Variants in IKBIP observed in about 807,000 individuals in gnomAD.
The protein encoded by IKBIP is inhibitor of nuclear factor kappa-B kinase-interacting protein.
In IKBIP, 28 loss-of-function variants were observed where a neutral mutation model predicts 31.0. That is an observed-to-expected ratio of 0.90 (90% CI 0.67 to 1.24). IKBIP has a LOEUF of 1.24. Ranked by LOEUF, IKBIP falls within the 50% of genes most tolerant of loss-of-function variation. IKBIP has a pLI of 0.00. For synonymous variants in IKBIP, 164 were observed against 160.3 expected (o/e 1.02, Z -0.17); for missense variants, 453 against 441.9 (o/e 1.03, Z -0.23).
chr12:98,630,376 C>CAAAAAAAAAAAAAAA lies in IKBIP; in HGVS notation c.298-3625_298-3611dup, dbSNP rs61623957. 2.9e-4 allele frequency among the ~76,000 whole-genome samples: 12 copies of CAAAAAAAAAAAAAAA among 41,300 alleles called. 1 individual carries two copies. Among genetic ancestry groups the CAAAAAAAAAAAAAAA allele is most frequent in the East Asian group, 1.2e-3 (1 of 850 alleles). 27.1% of individuals were successfully genotyped at this position (41,300 alleles called of 152,430 possible). A position where few individuals can be genotyped will look rare whatever the true frequency, so the allele number is the denominator to read the frequency against. On this transcript the variant is annotated intron_variant, in intron 2 of 2. Transcript: ENST00000299157. The stretch of plus-strand genomic sequence containing the variant: ...CCAGCCTGGGCAACAAGAGCCTGGG[C>CAAAAAAAAAAAAAAA]AAAAAAAAAAAAAAAAAAAAAAAAA...
intron 2 of IKBIP, among the ~76,000 whole-genome samples, chr12:98,633,510 C>CTTTTTTTTTTTTTTTTTTTTTTTTTT (rs71432181): frequency 1.1e-4 from 7 of 61,374 alleles, no homozygotes; most frequent in Admixed American, 2.6e-4. Context: ...TTTTTTAATT[C>CTTTTTTTTTTTTTTTTTTTTTTTTTT]TTTTTTTTTT....
downstream of IKBIP, among the ~76,000 whole-genome samples, chr12:98,620,381 TTTTGAGACGGAGTC>T (rs2097609180): frequency 1.3e-5 from 2 of 151,862 alleles, no homozygotes; most frequent in African/African-American, 4.8e-5. Context: ...GATTTTTTTT[TTTTGAGACGGAGTC>T]TTGCTCTGTC....
rs755351198 is a variant in IKBIP, at chr12:98,626,420, G to C, written c.644C>G (p.Thr215Arg). ...ATCTTCTTCTTCTTGTCTTTTTACT[G>C]TTCTAATATTTCTTAGTGTGCTATC... ...LEDSTLRNIR[T>R]VKRQEEEDLL... The change falls in exon 3 of 3, where the codon ACA becomes AGA. Residue 215 changes from threonine to arginine, a missense_variant. By Grantham distance (71) the Thr-to-Arg change is moderately conservative. Transcript: ENST00000299157. 8 of 1,613,100 alleles carry C rather than the reference G, an allele frequency of 5.0e-6. No individual in the cohort carries two copies. The highest frequency in any genetic ancestry group is 1.6e-4 in the Middle Eastern group (1 of 6,084).
downstream of IKBIP, among the ~76,000 whole-genome samples, chr12:98,619,499 C>A (rs34201862): frequency 0.036 from 5,428 of 152,218 alleles, 188 homozygotes; most frequent in East Asian, 0.21. Flanking sequence ...AAGCTCAATA[C>A]AGTGTGGTAA....
downstream of IKBIP, among the ~76,000 whole-genome samples, chr12:98,622,017 A>G (rs538899460): frequency 1.3e-5 from 2 of 151,612 alleles, no homozygotes; most frequent in South Asian, 4.2e-4. Flanking sequence ...TGGAGGTTGC[A>G]GTGAGCTGAG....
In IKBIP at chr12:98,625,016, A is replaced by AG. The variant is rs1279391412; in HGVS notation, c.*913dup. The AG allele has an allele frequency of 3.5e-5, 17 of 481,332 alleles. No homozygotes were observed. The highest frequency in any genetic ancestry group is 1.9e-4 in the Admixed American group (3 of 15,632). The allele number at this position is 481,332 out of a possible 1,614,324, so 29.8% of individuals were successfully genotyped here. A position where few individuals can be genotyped will look rare whatever the true frequency, so the allele number is the denominator to read the frequency against. On this transcript the variant is annotated 3_prime_UTR_variant, in exon 3 of 3. Transcript: ENST00000299157. ...GAGACAGGGTTTCACCCTGTTAGCCAGATGGTCTTGATCTCCTGACTTCGT... is the reference window on the plus strand; with the variant it reads ...GAGACAGGGTTTCACCCTGTTAGCCAGGATGGTCTTGATCTCCTGACTTCGT...
intron 2 of IKBIP, among the ~76,000 whole-genome samples, chr12:98,627,276 T>C (rs1456704201): frequency 1.5e-4 from 20 of 130,464 alleles, no homozygotes; most frequent in Admixed American, 1.4e-3. Flanking sequence ...GCCAGCACTA[T>C]GTTAAAAAAA....
chr12:98,631,350 G>A (rs906308695), intron 2 of IKBIP, among the ~76,000 whole-genome samples: 3 of 151,276 alleles, frequency 2.0e-5, no homozygotes, highest in African/African-American at 4.9e-5. Context: ...GTGCAATCTC[G>A]GCTCACTGTG....
intron 2 of IKBIP, among the ~76,000 whole-genome samples, chr12:98,616,344 T>A (rs550626192): frequency 6.6e-6 from 1 of 152,302 alleles, no homozygotes; most frequent in South Asian, 2.1e-4. Flanking sequence ...ATTGGGTTTT[T>A]TTTTGCTATT....
intron 2 of IKBIP, chr12:98,614,373 T>C: frequency 1.7e-6 from 2 of 1,186,220 alleles, no homozygotes; most frequent in Non-Finnish European, 2.3e-6. Context: ...AATGATTAAA[T>C]GTATTAGAAG....
intron 2 of IKBIP, among the ~76,000 whole-genome samples, chr12:98,633,070 ATTATATGCTC>A (rs2097622456): frequency 6.6e-6 from 1 of 152,060 alleles, no homozygotes; most frequent in African/African-American, 2.4e-5. Flanking sequence ...CTTCTGGAGG[ATTATATGCTC>A]ATCCTGTGCA....
chr12:98,634,666 C>T (rs1388716323), intron 1 of IKBIP, among the ~76,000 whole-genome samples: 1 of 151,050 alleles, frequency 6.6e-6, no homozygotes, highest in African/African-American at 2.4e-5. Flanking sequence ...TCCCAAATAG[C>T]TAGGACTGTC....
chr12:98,640,318 C>T (rs2097629296), intron 1 of IKBIP, among the ~76,000 whole-genome samples: 1 of 152,024 alleles, frequency 6.6e-6, no homozygotes, highest in African/African-American at 2.4e-5. Flanking sequence ...CCTGTAATCC[C>T]AGCTACTCGG....
In IKBIP at chr12:98,641,800, G is replaced by A. The variant is rs944729652; in HGVS notation, c.179+2723C>T. On this transcript the variant is annotated intron_variant, in intron 1 of 2. Transcript: ENST00000299157. ...CCTCCCAAGTACCTGGGACTACAGC[G>A]AATGCCACCACACTTGGCTAATATT... 1.2e-4 allele frequency among the ~76,000 whole-genome samples: 18 copies of A among 144,546 alleles called. No homozygotes were observed. In the East Asian group the frequency reaches 1.8e-3, roughly 15 times the overall value. 94.8% of individuals were successfully genotyped at this position (144,546 alleles called of 152,430 possible). A position where few individuals can be genotyped will look rare whatever the true frequency, so the allele number is the denominator to read the frequency against.
intron 2 of IKBIP, among the ~76,000 whole-genome samples, chr12:98,615,948 G>A (rs1200640980): frequency 6.6e-6 from 1 of 151,848 alleles, no homozygotes; most frequent in Non-Finnish European, 1.5e-5. Flanking sequence ...GAGTAATGCT[G>A]CAATGAATAT....
intron 1 of IKBIP, among the ~76,000 whole-genome samples, chr12:98,643,931 T>C (rs1037619549): frequency 6.6e-6 from 1 of 150,728 alleles, no homozygotes; most frequent in Non-Finnish European, 1.5e-5. Context: ...TTCTCCTGCC[T>C]CAGCCTCCGG....
intron 2 of IKBIP, among the ~76,000 whole-genome samples, chr12:98,627,006 T>C (rs919689044): frequency 4.6e-5 from 7 of 152,202 alleles, no homozygotes; most frequent in African/African-American, 1.4e-4. Flanking sequence ...TCTCACCCTG[T>C]CACCCAGGAT....
intron 1 of IKBIP, among the ~76,000 whole-genome samples, chr12:98,634,871 G>A (rs2097624378): frequency 6.7e-6 from 1 of 149,674 alleles, no homozygotes; most frequent in African/African-American, 2.5e-5. Flanking sequence ...CACCACGCCT[G>A]GCTAATTTTT....
At chr12:98,640,100 C>T (rs1337959407) in intron 1 of IKBIP, among the ~76,000 whole-genome samples, 3 of 152,122 alleles carry the variant, frequency 2.0e-5, no homozygotes, top group Non-Finnish European at 4.4e-5. Flanking sequence ...GAGCTTTTGA[C>T]TTTTTGTACA....
Sources: gnomAD v4.1 joint callset for allele counts (sites outside exome capture counted in the v4.1 genomes callset) on GRCh38, gnomAD v4.1.1 for gene constraint, MANE v1.5 for transcripts, NCBI Gene and HGNC (gene_info 2026-07-23, HGNC 2026-07-21) for gene names.